The following RBMS3 variants were observed in gnomAD, a reference collection of about 807,000 sequenced individuals.
RBMS3 encodes the protein RNA binding motif single stranded interacting protein 3.
A neutral mutation model predicts 66.8 loss-of-function variants in RBMS3; 27 were observed. The ratio of observed to expected loss-of-function variants is 0.40; its 90% CI spans 0.30 to 0.56. The LOEUF (loss-of-function observed/expected upper bound fraction) is 0.56. Among genes scored for constraint, RBMS3 ranks in the 20% least tolerant of loss-of-function variants. RBMS3 has a pLI of 0.40. For missense variants in RBMS3, 513 were observed against 549.5 expected, an observed-to-expected ratio of 0.93 and a Z score of 0.66; for synonymous variants, 188 against 183.0, an observed-to-expected ratio of 1.03 and a Z score of -0.22.
chr3:29,684,672 A>G (rs1236095635), intron 4 of RBMS3, among the ~76,000 whole-genome samples: 1 of 152,048 alleles, frequency 6.6e-6, no homozygotes, highest in Non-Finnish European at 1.5e-5. Context: ...CATATGATTG[A>G]TCCCTTCTAT....
At chr3:29,708,706 A>T (rs2053021046) in intron 4 of RBMS3, among the ~76,000 whole-genome samples, 1 of 151,982 alleles carries the variant, frequency 6.6e-6, no homozygotes, top group African/African-American at 2.4e-5. Context: ...GGAAGCAGAG[A>T]CTATGGGTGG....
At chr3:29,461,756 C>T (rs2042374521) in intron 2 of RBMS3, among the ~76,000 whole-genome samples, 1 of 147,294 alleles carries the variant, frequency 6.8e-6, no homozygotes, top group Admixed American at 6.7e-5. Context: ...ACTTCTTTCT[C>T]TCTCTCTTTT....
chr3:29,658,599 G>C (rs1197389370), intron 4 of RBMS3, among the ~76,000 whole-genome samples: 4 of 152,168 alleles, frequency 2.6e-5, no homozygotes, highest in African/African-American at 9.7e-5. Context: ...AAATACTTGA[G>C]AAATTTCCGT....
intron 3 of RBMS3, among the ~76,000 whole-genome samples, chr3:29,516,614 C>T (rs1220845714): frequency 1.3e-5 from 2 of 151,978 alleles, no homozygotes; most frequent in Non-Finnish European, 2.9e-5. Flanking sequence ...AAGAAGGTCT[C>T]ACTGTGTTGC....
intron 3 of RBMS3, among the ~76,000 whole-genome samples, chr3:29,548,329 C>T (rs1025238617): frequency 2.6e-5 from 4 of 151,974 alleles, no homozygotes; most frequent in African/African-American, 9.7e-5. Flanking sequence ...ACTCAGGAGG[C>T]TCAGGTGGGA....
intron 2 of RBMS3, among the ~76,000 whole-genome samples, chr3:29,471,232 T>A (rs1050508503): frequency 4.6e-5 from 7 of 152,216 alleles, no homozygotes; most frequent in Non-Finnish European, 1.0e-4. Flanking sequence ...TCTGAGTTTA[T>A]GGGATATGTT....
intron 3 of RBMS3, among the ~76,000 whole-genome samples, chr3:29,532,971 A>G (rs1383090957): frequency 6.6e-6 from 1 of 152,150 alleles, no homozygotes; most frequent in Admixed American, 6.5e-5. Flanking sequence ...ATTTCTACAT[A>G]GATCTTTTTT....
chr3:29,674,958 CA>C, intron 4 of RBMS3, among the ~76,000 whole-genome samples: 4 of 152,224 alleles, frequency 2.6e-5, no homozygotes, highest in Admixed American at 2.6e-4. Context: ...CAATCCTAAG[CA>C]AAAAGAACAA....
At chr3:29,357,575 G>A (rs1278471196) in intron 1 of RBMS3, among the ~76,000 whole-genome samples, 1 of 152,076 alleles carries the variant, frequency 6.6e-6, no homozygotes, top group Non-Finnish European at 1.5e-5. Flanking sequence ...GTAATGGGAT[G>A]GCTGGGTCAA....
intron 1 of RBMS3, among the ~76,000 whole-genome samples, chr3:29,386,284 A>G (rs998285286): frequency 3.3e-5 from 5 of 151,768 alleles, no homozygotes; most frequent in African/African-American, 1.2e-4. Flanking sequence ...TTTCTAGTCT[A>G]TTTATTCTCC....
At chr3:29,593,466 G>A (rs555834200) in intron 4 of RBMS3, among the ~76,000 whole-genome samples, 143 of 152,286 alleles carry the variant, frequency 9.4e-4, no homozygotes, top group Middle Eastern at 3.4e-3. Flanking sequence ...AAGAGGCATT[G>A]TTCCAGGGTA....
intron 8 of RBMS3, among the ~76,000 whole-genome samples, chr3:29,884,422 TTCTCTCTCTCTC>T (rs571002730): frequency 7.4e-4 from 31 of 41,882 alleles, no homozygotes; most frequent in South Asian, 1.1e-3. Flanking sequence ...TTAAACCCTG[TTCTCTCTCTCTC>T]TCTCTCTCTC....
chr3:29,810,452 T>G (rs1487812258), intron 6 of RBMS3, among the ~76,000 whole-genome samples: 1 of 152,016 alleles, frequency 6.6e-6, no homozygotes, highest in Non-Finnish European at 1.5e-5. Context: ...CAGATGACAT[T>G]TCAAATGCAC....
intron 5 of RBMS3, among the ~76,000 whole-genome samples, chr3:29,758,073 G>T (rs1446836705): frequency 1.3e-5 from 2 of 152,178 alleles, no homozygotes; most frequent in Non-Finnish European, 2.9e-5. Flanking sequence ...GTTTTCATGG[G>T]TTTTGGGAGA....
chr3:29,649,132 A>T (rs1402364819), intron 4 of RBMS3, among the ~76,000 whole-genome samples: 1 of 152,180 alleles, frequency 6.6e-6, no homozygotes, highest in Non-Finnish European at 1.5e-5. Flanking sequence ...TATAAGCACT[A>T]CTTTTTCCCA....
At chr3:29,292,233 C>T (rs1455967728) in intron 1 of RBMS3, among the ~76,000 whole-genome samples, 1 of 151,628 alleles carries the variant, frequency 6.6e-6, no homozygotes, top group Non-Finnish European at 1.5e-5. Context: ...ACATACATTC[C>T]TGAAAACCTT....
rs1339056848 is a variant in RBMS3 at position 29,729,761 on chromosome 3, G to A, written c.400-9959G>A. ...TAATAATGATGAGAATTTTTTAATTGGGAAAAACTACTTCAAAGTTCATAT... is the reference window on the plus strand; with the variant it reads ...TAATAATGATGAGAATTTTTTAATTAGGAAAAACTACTTCAAAGTTCATAT... On this transcript the variant is annotated intron_variant, in intron 4 of 14. Transcript: ENST00000383767. 2.0e-5 allele frequency among the ~76,000 whole-genome samples: 3 copies of A among 151,240 alleles called. No homozygotes were observed. In the East Asian group the frequency reaches 5.9e-4, roughly 30 times the overall value.
intron 3 of RBMS3, among the ~76,000 whole-genome samples, chr3:29,569,769 G>A (rs758787320): frequency 7.2e-5 from 11 of 152,104 alleles, no homozygotes; most frequent in Non-Finnish European, 1.5e-4. Flanking sequence ...AGTCTAGGAG[G>A]CTTTGAAAGC....
At chr3:29,880,287 T>C (rs2059705979) in intron 7 of RBMS3, among the ~76,000 whole-genome samples, 1 of 152,140 alleles carries the variant, frequency 6.6e-6, no homozygotes, top group African/African-American at 2.4e-5. Flanking sequence ...AATGGAAACC[T>C]GAAAAATGGA....
Sources: gnomAD v4.1 joint callset for allele counts (sites outside exome capture counted in the v4.1 genomes callset) on GRCh38, gnomAD v4.1.1 for gene constraint, MANE v1.5 for transcripts, NCBI Gene and HGNC (gene_info 2026-07-23, HGNC 2026-07-21) for gene names.